Variants in FBXO42 observed in about 807,000 individuals in gnomAD.
FBXO42 encodes the protein F-box only protein 42.
Under a neutral mutation model 71.7 loss-of-function variants are expected in FBXO42, and 12 were observed. That is an observed-to-expected ratio of 0.17 (90% CI 0.11 to 0.27). The LOEUF (loss-of-function observed/expected upper bound fraction) is 0.27. FBXO42 is among the 10% of genes least tolerant of loss of function. The probability of loss-of-function intolerance (pLI) is 1.00; values close to 1 mark genes in which losing one functional copy is unlikely to be tolerated. For missense variants in FBXO42, 707 were observed against 911.9 expected (o/e 0.78, Z 2.89); for synonymous variants, 325 against 327.5 (o/e 0.99, Z 0.08).
At chr1:16,286,561 A>G (rs1346901127) in intron 4 of FBXO42, among the ~76,000 whole-genome samples, 1 of 152,142 alleles carries the variant, frequency 6.6e-6, no homozygotes, top group Non-Finnish European at 1.5e-5. Flanking sequence ...GAGGATTACA[A>G]TTTGAGGTGA....
intron 1 of FBXO42, among the ~76,000 whole-genome samples, chr1:16,317,376 C>G (rs191193489): frequency 2.6e-5 from 4 of 152,084 alleles, no homozygotes; most frequent in Non-Finnish European, 5.9e-5. Flanking sequence ...AGAGATCACT[C>G]CGCACTCCAG....
chr1:16,330,058 A>T (rs1264067898), intron 1 of FBXO42, among the ~76,000 whole-genome samples: 4 of 152,194 alleles, frequency 2.6e-5, no homozygotes, highest in African/African-American at 9.6e-5. Context: ...TACCTTCCTA[A>T]CTTGTCTCCA....
intron 2 of FBXO42, among the ~76,000 whole-genome samples, chr1:16,312,578 A>C (rs1470686144): frequency 2.0e-5 from 3 of 152,172 alleles, no homozygotes; most frequent in Non-Finnish European, 4.4e-5. Flanking sequence ...TTATGATATT[A>C]TAACAGTGGA....
In FBXO42 at chr1:16,251,173, C is replaced by A; in HGVS notation, c.1651G>T (p.Val551Phe). 1 of 1,614,152 alleles carries A rather than the reference C, an allele frequency of 6.2e-7. No individual in the cohort carries two copies. The highest frequency in any genetic ancestry group is 8.5e-7 in the Non-Finnish European group (1 of 1,180,038). Residue 551 changes from valine to phenylalanine, a missense_variant, in exon 10 of 10, where the codon GTC (valine) becomes TTC (phenylalanine). Coordinates refer to ENST00000375592, the MANE Select transcript of FBXO42 (RefSeq NM_018994.3). This position sits in a 1 kb window ranked among gnomAD's most constrained non-coding sequence, Gnocchi z 4.5. ...CTCCGACGCAGGGCACCTGGGGAGA[C>A]GGCCCCTGCAAGGGCACTGGCCACG... ...PHVASALAGA[V>F]SPGALRRSLE... is the part of the protein sequence containing the mutation.
At chr1:16,254,418 G>T (rs895229412) in intron 6 of FBXO42, among the ~76,000 whole-genome samples, 3 of 152,216 alleles carry the variant, frequency 2.0e-5, no homozygotes, top group Non-Finnish European at 4.4e-5. Flanking sequence ...ATTGCACAAT[G>T]ACTAATGAAA....
At chr1:16,295,805 G>A (rs933688441) in intron 3 of FBXO42, among the ~76,000 whole-genome samples, 4 of 152,180 alleles carry the variant, frequency 2.6e-5, no homozygotes, top group Admixed American at 2.6e-4. Flanking sequence ...TAATTCCAAA[G>A]GCCAGTGGGG....
At chr1:16,330,808 G>C (rs540723949) in intron 1 of FBXO42, among the ~76,000 whole-genome samples, 1 of 152,020 alleles carries the variant, frequency 6.6e-6, no homozygotes, top group Admixed American at 6.6e-5. Context: ...TGGGCATGGT[G>C]GTGGGCACCT....
intron 1 of FBXO42, among the ~76,000 whole-genome samples, chr1:16,344,612 A>G (rs2082638906): frequency 1.3e-5 from 2 of 151,612 alleles, no homozygotes; most frequent in African/African-American, 4.8e-5. Context: ...CTGGGATTAC[A>G]GGCGTGAGCC....
intron 4 of FBXO42, among the ~76,000 whole-genome samples, chr1:16,289,372 C>T (rs1329217453): frequency 6.6e-6 from 1 of 150,932 alleles, no homozygotes; most frequent in Non-Finnish European, 1.5e-5. Flanking sequence ...TGTGCCACTG[C>T]ACTCCAGCTT....
intron 3 of FBXO42, among the ~76,000 whole-genome samples, chr1:16,304,439 G>A (rs529053058): frequency 2.0e-5 from 3 of 151,942 alleles, no homozygotes; most frequent in Admixed American, 1.3e-4. Flanking sequence ...TTTTATAATC[G>A]ACACTTGTCA....
Position 16,283,567 on chromosome 1 carries a change from G to A in FBXO42, c.502+11216C>T, listed in dbSNP as rs531149281. ...GGCTGGAGTGCAGTGGCACAATCTT[G>A]GCTCACTGCAACCTCCACCTCCCGG... is the stretch of plus-strand genomic sequence containing the variant. On this transcript the variant is annotated intron_variant, in intron 4 of 9. Transcript: ENST00000375592. Among the ~76,000 whole-genome samples, 8 of 127,422 alleles carry A rather than the reference G, an allele frequency of 6.3e-5. No individual in the cohort carries two copies. The South Asian group carries it at 1.8e-3, about 28-fold the overall frequency. The allele number at this position is 127,422 out of a possible 152,430, so 83.6% of individuals were successfully genotyped here.
chr1:16,295,641 C>T (rs978195822), intron 3 of FBXO42, among the ~76,000 whole-genome samples: 1 of 152,166 alleles, frequency 6.6e-6, no homozygotes, highest in Non-Finnish European at 1.5e-5. Flanking sequence ...GATCCACCCG[C>T]CTCGGCCTCT....
In FBXO42 at chr1:16,347,514, AAAACAAACAAAC is replaced by A. The variant is rs537447737; in HGVS notation, c.-18+4729_-18+4740del. 8.3e-3 allele frequency among the ~76,000 whole-genome samples: 1,269 copies of A among 152,096 alleles called. 7 individuals are homozygous for A. Among genetic ancestry groups the A allele is most frequent in the Non-Finnish European group, 0.012 (815 of 67,984 alleles). ...AGGCAACAGAGAGAGACTTCCTCTC[AAAACAAACAAAC>A]AAACAAACAAACAAACAACTTTACA... is the stretch of plus-strand genomic sequence containing the variant. On this transcript the variant is annotated intron_variant, in intron 1 of 9. Transcript: ENST00000375592.
At chr1:16,350,328 G>C (rs1367904760) in intron 1 of FBXO42, among the ~76,000 whole-genome samples, 1 of 151,964 alleles carries the variant, frequency 6.6e-6, no homozygotes, top group African/African-American at 2.4e-5. Context: ...CTCTTTATTA[G>C]CAAATTGATA....
intron 4 of FBXO42, among the ~76,000 whole-genome samples, chr1:16,271,167 A>G (rs1190350546): frequency 6.6e-6 from 1 of 151,950 alleles, no homozygotes; most frequent in Non-Finnish European, 1.5e-5. Context: ...GCAGCAGGCA[A>G]TGAGGTCAGA....
intron 4 of FBXO42, among the ~76,000 whole-genome samples, chr1:16,266,912 A>T (rs2081781261): frequency 6.6e-6 from 1 of 152,228 alleles, no homozygotes; most frequent in Non-Finnish European, 1.5e-5. Context: ...CAGATTCCTT[A>T]AAGAAAAACT....
chr1:16,317,391 G>A lies in FBXO42; in HGVS notation c.-17-1956C>T, dbSNP rs543107627. 4.0e-4 allele frequency among the ~76,000 whole-genome samples: 61 copies of A among 151,410 alleles called. No individual in the cohort carries two copies. In the South Asian group the frequency reaches 0.011, roughly 28 times the overall value. On this transcript the variant is annotated intron_variant, in intron 1 of 9. Transcript: ENST00000375592. Reference sequence around the variant, plus strand: ...AGAGATCACTCCGCACTCCAGCCTGGGCAATAGAGTGAGATCGTCTCAACA... The same window carrying A: ...AGAGATCACTCCGCACTCCAGCCTGAGCAATAGAGTGAGATCGTCTCAACA...
At chr1:16,347,534 C>T (rs1376679028) in intron 1 of FBXO42, among the ~76,000 whole-genome samples, 1 of 150,896 alleles carries the variant, frequency 6.6e-6, no homozygotes, top group Non-Finnish European at 1.5e-5. Context: ...AACAAACAAA[C>T]AAACAAACAA....
intron 1 of FBXO42, among the ~76,000 whole-genome samples, chr1:16,337,480 C>T (rs2082561516): frequency 2.0e-5 from 3 of 152,100 alleles, no homozygotes; most frequent in Admixed American, 2.0e-4. Flanking sequence ...AATTAACTTG[C>T]CCATGATTAC....
Sources: gnomAD v4.1 joint callset for allele counts (sites outside exome capture counted in the v4.1 genomes callset) on GRCh38, gnomAD v4.1.1 for gene constraint, Gnocchi (gnomAD v3.1) non-coding constraint, MANE v1.5 for transcripts, NCBI Gene and HGNC (gene_info 2026-07-23, HGNC 2026-07-21) for gene names.